Variants in GPC5 observed in about 807,000 individuals in gnomAD.
The protein encoded by GPC5 is glypican 5, also known as glypican-5.
GPC5 carries 47 observed loss-of-function variants against 53.9 expected under a neutral mutation model. That is an observed-to-expected ratio of 0.87 (90% CI 0.69 to 1.11). The LOEUF (loss-of-function observed/expected upper bound fraction) is 1.11, where lower values mean the gene tolerates loss of function less well. Ranked by LOEUF, GPC5 falls within the 50% of genes most tolerant of loss-of-function variation. The pLI is 0.00. For synonymous variants in GPC5, 286 were observed against 263.3 expected, an observed-to-expected ratio of 1.09 and a Z score of -0.84; for missense variants, 748 against 713.1, an observed-to-expected ratio of 1.05 and a Z score of -0.56.
At chr13:92,191,427 G>T (rs372106412) in intron 7 of GPC5, among the ~76,000 whole-genome samples, 6 of 152,216 alleles carry the variant, frequency 3.9e-5, no homozygotes, top group African/African-American at 1.4e-4. Flanking sequence ...AATTGCTGAC[G>T]GGAATGTAAA....
intron 7 of GPC5, among the ~76,000 whole-genome samples, chr13:92,399,721 C>T (rs951709220): frequency 3.9e-5 from 6 of 152,170 alleles, no homozygotes; most frequent in Admixed American, 2.6e-4. Flanking sequence ...GTGGGAGACC[C>T]AGTTTAGAAA....
At chr13:91,888,379 G>A (rs1594642676) in intron 5 of GPC5, among the ~76,000 whole-genome samples, 1 of 152,144 alleles carries the variant, frequency 6.6e-6, no homozygotes, top group Non-Finnish European at 1.5e-5. Context: ...GCCAAACCAT[G>A]TCATTAATAT....
intron 7 of GPC5, among the ~76,000 whole-genome samples, chr13:92,773,550 C>T (rs771034717): frequency 1.1e-4 from 16 of 152,156 alleles, no homozygotes; most frequent in Admixed American, 3.9e-4. Context: ...CACCAGATGA[C>T]GTAAATGAAA....
intron 5 of GPC5, among the ~76,000 whole-genome samples, chr13:91,894,323 G>T (rs556320193): frequency 8.5e-5 from 13 of 152,110 alleles, no homozygotes; most frequent in Non-Finnish European, 1.6e-4. Context: ...TTCAACACTT[G>T]CAGTAAAGTC....
intron 2 of GPC5, among the ~76,000 whole-genome samples, chr13:91,614,427 G>T (rs2033641506): frequency 1.3e-5 from 2 of 152,096 alleles, no homozygotes; most frequent in Admixed American, 6.6e-5. Flanking sequence ...CGCCTCCTTA[G>T]CTCAAGTGAT....
Position 92,313,833 on chromosome 13 carries a change from T to C in GPC5, c.1561+168844T>C, listed in dbSNP as rs181323951. ...TTAGACACCTTTCTTTTATCTCCTATACTCTTACCGATTGCTCCATTTTAG... is the reference window on the plus strand; with the variant it reads ...TTAGACACCTTTCTTTTATCTCCTACACTCTTACCGATTGCTCCATTTTAG... On this transcript the variant is annotated intron_variant, in intron 7 of 7. Transcript: ENST00000377067. Among the ~76,000 whole-genome samples the C allele has an allele frequency of 1.2e-4, 18 of 152,318 alleles. No homozygotes were observed. In the East Asian group the frequency reaches 2.7e-3, roughly 23 times the overall value.
chr13:91,905,043 C>T (rs2039538822), intron 5 of GPC5, among the ~76,000 whole-genome samples: 1 of 152,014 alleles, frequency 6.6e-6, no homozygotes. Context: ...ACTTTGAGGT[C>T]TATGAGTTTC....
chr13:91,693,503 G>A lies in GPC5; in HGVS notation c.642G>A (p.Gln214=). 6.2e-7 allele frequency: 1 copy of A among 1,614,138 alleles called. No individual in the cohort carries two copies. Among genetic ancestry groups the A allele is most frequent in the Non-Finnish European group, 8.5e-7 (1 of 1,180,018 alleles). The change falls in exon 3 of 8, where the codon CAG becomes CAA. Residue 214 remains glutamine, a synonymous_variant. Transcript: ENST00000377067. The part of the protein sequence containing the change: ...FGNIPQRVMG[Q]MGRSLLPSRT... ...ATATTCCCCAAAGAGTAATGGGACA[G>A]ATGGGGAGGTCCCTGCTGCCCAGCC... is the stretch of plus-strand genomic sequence containing the variant.
chr13:91,881,635 A>T (rs1327762676), intron 5 of GPC5, among the ~76,000 whole-genome samples: 1 of 152,158 alleles, frequency 6.6e-6, no homozygotes, highest in Non-Finnish European at 1.5e-5. Flanking sequence ...TTAACTTGGA[A>T]TATTAAACAT....
chr13:91,747,468 T>A (rs1168584372), intron 4 of GPC5, among the ~76,000 whole-genome samples: 6 of 152,210 alleles, frequency 3.9e-5, no homozygotes, highest in Non-Finnish European at 2.9e-5. Flanking sequence ...AGCCTTTTTC[T>A]ACTTTACTCT....
At chr13:92,802,288 T>C (rs1219121594) in intron 7 of GPC5, among the ~76,000 whole-genome samples, 1 of 151,852 alleles carries the variant, frequency 6.6e-6, no homozygotes, top group Non-Finnish European at 1.5e-5. Context: ...AGTATCTAGG[T>C]TTGTGTAAGT....
intron 7 of GPC5, among the ~76,000 whole-genome samples, chr13:92,581,050 T>A (rs563993622): frequency 6.6e-6 from 1 of 152,296 alleles, no homozygotes; most frequent in South Asian, 2.1e-4. Context: ...ATATCTTACC[T>A]CATATTCTTA....
intron 7 of GPC5, among the ~76,000 whole-genome samples, chr13:92,771,625 G>A (rs1262616237): frequency 2.0e-5 from 3 of 152,246 alleles, no homozygotes; most frequent in East Asian, 1.9e-4. Context: ...TTACAGGTGT[G>A]AGCCACTGTG....
intron 7 of GPC5, among the ~76,000 whole-genome samples, chr13:92,405,869 A>G (rs1875774189): frequency 6.6e-6 from 1 of 152,182 alleles, no homozygotes; most frequent in African/African-American, 2.4e-5. Flanking sequence ...GGTGACTGAA[A>G]ATTTCTGGTG....
In GPC5 at chr13:91,660,316, A is replaced by G. The variant is rs145446855; in HGVS notation, c.326-32871A>G. Among the ~76,000 whole-genome samples the G allele has an allele frequency of 1.6e-3, 246 of 152,158 alleles. 1 individual carries two copies. The highest frequency in any genetic ancestry group is 5.7e-3 in the African/African-American group (237 of 41,516). ...GTGGGTCAGAGTTTTATTTTTATGT[A>G]TGGTCTGCCCATTGTCTAAATATTG... On this transcript the variant is annotated intron_variant, in intron 2 of 7. Coordinates refer to ENST00000377067, the MANE Select transcript of GPC5 (RefSeq NM_004466.6).
intron 7 of GPC5, among the ~76,000 whole-genome samples, chr13:92,536,949 ATCT>A (rs1881745458): frequency 6.6e-6 from 1 of 151,998 alleles, no homozygotes; most frequent in African/African-American, 2.4e-5. Flanking sequence ...CATTTTTCAA[ATCT>A]TCTGCTTTGT....
At chr13:91,572,033 ATG>A (rs1275236178) in intron 2 of GPC5, among the ~76,000 whole-genome samples, 3 of 114,196 alleles carry the variant, frequency 2.6e-5, no homozygotes, top group African/African-American at 1.3e-4. Context: ...GTGTGTATAT[ATG>A]TGTATATACA....
chr13:92,423,832 A>G (rs1367671408), intron 7 of GPC5, among the ~76,000 whole-genome samples: 1 of 152,158 alleles, frequency 6.6e-6, no homozygotes, highest in South Asian at 2.1e-4. Flanking sequence ...ACTGGCTGCT[A>G]GAAGATTGCT....
chr13:91,761,198 C>A (rs2037403741), intron 5 of GPC5, among the ~76,000 whole-genome samples: 1 of 152,112 alleles, frequency 6.6e-6, no homozygotes, highest in Admixed American at 6.6e-5. Context: ...AACAGATAAT[C>A]CTGTAACTGT....
Sources: allele counts gnomAD v4.1 joint callset (sites outside exome capture counted in the v4.1 genomes callset), GRCh38; gene constraint gnomAD v4.1.1; transcripts MANE v1.5; gene names NCBI Gene and HGNC (gene_info 2026-07-23, HGNC 2026-07-21).